The following RRAGD variants were observed in gnomAD, a reference collection of about 807,000 sequenced individuals.
RRAGD encodes ras-related GTP-binding protein D.
In RRAGD, 12 loss-of-function variants were observed where a neutral mutation model predicts 35.5. The observed-to-expected ratio is 0.34, with a 90% CI of 0.22 to 0.55. The LOEUF is 0.55. RRAGD is among the 20% of genes least tolerant of loss of function. The probability of loss-of-function intolerance (pLI) is 0.91; values close to 1 mark genes in which losing one functional copy is unlikely to be tolerated. For synonymous variants in RRAGD, 155 were observed against 178.9 expected (o/e 0.87, Z 1.07); for missense variants, 324 against 490.1 (o/e 0.66, Z 3.20).
intron 2 of RRAGD, among the ~76,000 whole-genome samples, chr6:89,383,201 C>T (rs111668611): frequency 1.2e-3 from 177 of 152,258 alleles, no homozygotes; most frequent in Non-Finnish European, 2.2e-3. Flanking sequence ...GTAAATTACA[C>T]CTCAAGAAAA....
intron 6 of RRAGD, 28 bp from the exon 7 acceptor site, chr6:89,368,235 A>T (rs1768789264): frequency 6.3e-7 from 1 of 1,599,494 alleles, no homozygotes. Flanking sequence ...AATATTTATA[A>T]ATGTCACGTA....
chr6:89,386,494 G>A (rs544354430), intron 2 of RRAGD, among the ~76,000 whole-genome samples: 2 of 152,276 alleles, frequency 1.3e-5, no homozygotes, highest in East Asian at 1.9e-4. Context: ...AATTCTTTGC[G>A]TCCAACAAAG....
intron 1 of RRAGD, among the ~76,000 whole-genome samples, chr6:89,402,038 A>ATTTTTTTTTTTT (rs71556520): frequency 0.059 from 4,613 of 78,144 alleles, 782 homozygotes; most frequent in Non-Finnish European, 0.068. Flanking sequence ...AATCCTAAGG[A>ATTTTTTTTTTTT]TTTTTTTTTT....
At position 89,365,675 on chromosome 6, in the gene RRAGD, G is replaced by A. The variant is rs910647000; in HGVS notation, c.*2381C>T. ...CCATGAACTTGGGCCCTATGTCATA[G>A]AATTATTTTTGCCTTTCCCCCAAAG... On this transcript the variant is annotated 3_prime_UTR_variant, in exon 7 of 7. Coordinates refer to ENST00000369415, the MANE Select transcript of RRAGD (RefSeq NM_021244.5). 6.6e-6 allele frequency: 1 copy of A among 152,160 alleles called. No individual in the cohort carries two copies. The highest frequency in any genetic ancestry group is 6.5e-5 in the Admixed American group (1 of 15,268). 9.4% of individuals were successfully genotyped at this position (152,160 alleles called of 1,614,324 possible). A position where few individuals can be genotyped will look rare whatever the true frequency, so the allele number is the denominator to read the frequency against.
chr6:89,392,040 T>C (rs1054690102), intron 1 of RRAGD, among the ~76,000 whole-genome samples: 2 of 151,802 alleles, frequency 1.3e-5, no homozygotes, highest in Non-Finnish European at 2.9e-5. Flanking sequence ...TCCATTGAGC[T>C]CTGTACTTTA....
chr6:89,404,153 C>G (rs1769534303), intron 1 of RRAGD, among the ~76,000 whole-genome samples: 1 of 152,108 alleles, frequency 6.6e-6, no homozygotes, highest in African/African-American at 2.4e-5. Context: ...GGGCTTTTTC[C>G]TATTAGTCTA....
intron 5 of RRAGD, among the ~76,000 whole-genome samples, chr6:89,377,445 T>TA (rs999843806): frequency 9.2e-5 from 14 of 152,156 alleles, no homozygotes; most frequent in Non-Finnish European, 2.1e-4. Context: ...ACCCTATTGC[T>TA]AAAAAATTGA....
chr6:89,376,397 G>A (rs1043332159), intron 5 of RRAGD, among the ~76,000 whole-genome samples: 5 of 151,866 alleles, frequency 3.3e-5, no homozygotes, highest in African/African-American at 9.7e-5. Context: ...AGCAATGGAA[G>A]AGAAAAATGG....
chr6:89,397,387 T>TA (rs1413725438), intron 1 of RRAGD, among the ~76,000 whole-genome samples: 1 of 152,190 alleles, frequency 6.6e-6, no homozygotes, highest in Non-Finnish European at 1.5e-5. Flanking sequence ...GCTGAGTTTT[T>TA]ACCTAAGAGA....
intron 5 of RRAGD, among the ~76,000 whole-genome samples, chr6:89,375,424 A>C (rs1390704317): frequency 6.6e-6 from 1 of 152,248 alleles, no homozygotes; most frequent in Non-Finnish European, 1.5e-5. Context: ...AAACACATGA[A>C]GATAGAACAT....
Position 89,372,496 on chromosome 6 carries a change from T to G in RRAGD, c.992A>C (p.Glu331Ala). 6.2e-7 allele frequency: 1 copy of G among 1,613,466 alleles called. No homozygotes were observed. The highest frequency in any genetic ancestry group is 8.5e-7 in the Non-Finnish European group (1 of 1,179,826). Residue 331 changes from glutamate to alanine, a missense_variant, in exon 6 of 7, where the codon GAG (glutamate) becomes GCG (alanine). Around this residue, in one of 5 missense-constraint regions of RRAGD, gnomAD observed 152 missense variants for 296.9 expected, o/e 0.51. Coordinates refer to ENST00000369415, the MANE Select transcript of RRAGD (RefSeq NM_021244.5). The part of the protein sequence containing the change: ...LNNTTVLYLK[E>A]VTKFLALVCF... ...AACGAGAGCCAGGAACTTTGTCACCTCTTTTAAATAAAGCACGGTTGTATT... is the reference window on the plus strand; with the variant it reads ...AACGAGAGCCAGGAACTTTGTCACCGCTTTTAAATAAAGCACGGTTGTATT...
intron 2 of RRAGD, among the ~76,000 whole-genome samples, chr6:89,384,813 CA>C (rs34091216): frequency 0.37 from 37,110 of 101,530 alleles, 4,872 homozygotes; most frequent in Non-Finnish European, 0.44. Context: ...GACTCCGTCT[CA>C]AAAAAAAAAA....
At chr6:89,399,706 G>C (rs1038777275) in intron 1 of RRAGD, among the ~76,000 whole-genome samples, 1 of 151,796 alleles carries the variant, frequency 6.6e-6, no homozygotes, top group African/African-American at 2.4e-5. Flanking sequence ...CCTGAGCCCA[G>C]AAGTTAAGGC....
At chr6:89,386,846 ATAAT>A (rs1252536523) in intron 2 of RRAGD, among the ~76,000 whole-genome samples, 4 of 152,342 alleles carry the variant, frequency 2.6e-5, no homozygotes, top group Non-Finnish European at 5.9e-5. Context: ...TATAAAATAC[ATAAT>A]TATATTATCT....
At chr6:89,389,487 C>T (rs146107987) in intron 1 of RRAGD, among the ~76,000 whole-genome samples, 3,085 of 140,282 alleles carry the variant, frequency 0.022, 103 homozygotes, top group African/African-American at 0.078. Context: ...ACCTGGGAGG[C>T]GGAGCTTGCA....
rs1562449178 is a variant in RRAGD at position 89,380,149 on chromosome 6, A to G, written c.644+19T>C. 2.5e-6 allele frequency: 4 copies of G among 1,611,678 alleles called. No homozygotes were observed. Among genetic ancestry groups the G allele is most frequent in the Non-Finnish European group, 3.4e-6 (4 of 1,177,992 alleles). On this transcript the variant is annotated intron_variant, in intron 3 of 6. Coordinates refer to ENST00000369415, the MANE Select transcript of RRAGD (RefSeq NM_021244.5). The stretch of plus-strand genomic sequence containing the variant: ...TCTTCCATCCTTTATTGGGATCCTT[A>G]AGGGGTTTCTGTTCTCACCTGAGGT...
chr6:89,368,565 G>A (rs188154805), intron 6 of RRAGD, among the ~76,000 whole-genome samples: 1 of 152,234 alleles, frequency 6.6e-6, no homozygotes, highest in African/African-American at 2.4e-5. Flanking sequence ...AATGAAAAAT[G>A]TTTCTCCCCA....
intron 2 of RRAGD, among the ~76,000 whole-genome samples, chr6:89,384,844 A>G (rs1332214089): frequency 6.6e-6 from 1 of 152,096 alleles, no homozygotes; most frequent in Non-Finnish European, 1.5e-5. Context: ...TATACCTTTA[A>G]AAAATGAACT....
At chr6:89,386,202 T>A (rs55915924) in intron 2 of RRAGD, among the ~76,000 whole-genome samples, 5,625 of 152,236 alleles carry the variant, frequency 0.037, 358 homozygotes, top group African/African-American at 0.13. Flanking sequence ...CTGGGCCATA[T>A]GTCATGGGCA....
Sources: allele counts gnomAD v4.1 joint callset (sites outside exome capture counted in the v4.1 genomes callset), GRCh38; gene constraint gnomAD v4.1.1; regional missense constraint gnomAD v4.1.1; transcripts MANE v1.5; gene names NCBI Gene and HGNC (gene_info 2026-07-23, HGNC 2026-07-21).